Variants in RIC1 observed in about 807,000 individuals in gnomAD.
The protein encoded by RIC1 is guanine nucleotide exchange factor subunit RIC1.
Under a neutral mutation model 169.0 loss-of-function variants are expected in RIC1, and 88 were observed. That is an observed-to-expected ratio of 0.52 (90% CI 0.44 to 0.62). The LOEUF is 0.62. Ranked by LOEUF, RIC1 falls within the 20% of genes least tolerant of loss-of-function variation. The probability of loss-of-function intolerance (pLI) is 0.00; values close to 1 mark genes in which losing one functional copy is unlikely to be tolerated. For synonymous variants in RIC1, 790 were observed against 601.5 expected, an observed-to-expected ratio of 1.31 and a Z score of -4.59; for missense variants, 1,877 against 1,725.5, an observed-to-expected ratio of 1.09 and a Z score of -1.56.
Position 5,754,860 on chromosome 9 carries a change from C to G in RIC1, c.1622C>G (p.Thr541Arg). Residue 541 changes from threonine to arginine, a missense_variant, in exon 15 of 26, where the codon ACA becomes AGA. Transcript: ENST00000414202. ...NITQEQNMIV[T>R]GGLAWWNDFM... ...TTTAAGGAGCAAAATATGATCGTGA[C>G]AGGTGGCTTAGCCTGGTGGAATGAT... 1.3e-6 allele frequency: 2 copies of G among 1,569,000 alleles called. No homozygotes were observed. Among genetic ancestry groups the G allele is most frequent in the Non-Finnish European group, 1.7e-6 (2 of 1,150,876 alleles).
chr9:5,709,644 T>C, intron 3 of RIC1, among the ~76,000 whole-genome samples: 1 of 152,220 alleles, frequency 6.6e-6, no homozygotes, highest in Non-Finnish European at 1.5e-5. Flanking sequence ...CTTATTCTTC[T>C]AGCCTCATCT....
At chr9:5,706,794 A>G (rs1240793593) in intron 3 of RIC1, among the ~76,000 whole-genome samples, 2 of 152,166 alleles carry the variant, frequency 1.3e-5, no homozygotes, top group African/African-American at 2.4e-5. Flanking sequence ...CAGTAATAAT[A>G]TTCCCACTTT....
At chr9:5,736,555 C>T (rs535560847) in intron 7 of RIC1, among the ~76,000 whole-genome samples, 5 of 152,124 alleles carry the variant, frequency 3.3e-5, no homozygotes, top group African/African-American at 1.2e-4. Flanking sequence ...CTGGGAAAAC[C>T]AAGGCAGCTA....
At position 5,765,712 on chromosome 9, in the gene RIC1, T is replaced by C. The variant is rs1437434571; in HGVS notation, c.3051T>C (p.Ser1017=). Residue 1017 remains serine, a synonymous_variant, in exon 21 of 26, where the codon AGT becomes AGC. Coordinates refer to ENST00000414202, the MANE Select transcript of RIC1 (RefSeq NM_020829.4). ...GFEFFRNRSI[S]LSQSAENVPA... ...AGTTCTTCAGGAATCGAAGCATCAG[T>C]TTATCCCAGTCAGCTGAAAATGTTC... 1.2e-6 allele frequency: 2 copies of C among 1,614,182 alleles called. No homozygotes were observed. The highest frequency in any genetic ancestry group is 1.7e-6 in the Non-Finnish European group (2 of 1,180,020).
chr9:5,774,384 T>A lies in RIC1; in HGVS notation c.*138T>A. The A allele has an allele frequency of 3.1e-6, 2 of 640,570 alleles. No homozygotes were observed. The highest frequency in any genetic ancestry group is 2.9e-5 in the East Asian group (1 of 34,648). The allele number at this position is 640,570 out of a possible 1,614,324, so 39.7% of individuals were successfully genotyped here. On this transcript the variant is annotated 3_prime_UTR_variant, in exon 26 of 26. Transcript: ENST00000414202. ...TAAGTATTAGTAGATTTTAACTAAT[T>A]CTTTCTTGTCTAAGAAATCTTTTTG... is the stretch of plus-strand genomic sequence containing the variant.
chr9:5,671,220 C>A (rs1820071441), intron 2 of RIC1, among the ~76,000 whole-genome samples: 1 of 151,398 alleles, frequency 6.6e-6, no homozygotes, highest in East Asian at 1.9e-4. Context: ...TAAACTATTA[C>A]CAAATAATAC....
chr9:5,687,941 T>A (rs1354893147), intron 2 of RIC1, among the ~76,000 whole-genome samples: 1 of 152,156 alleles, frequency 6.6e-6, no homozygotes, highest in East Asian at 1.9e-4. Flanking sequence ...TGTGTTTCAT[T>A]ATGGATAATT....
chr9:5,763,469 C>G lies in RIC1; in HGVS notation c.2442C>G (p.Leu814=). 6.2e-7 allele frequency: 1 copy of G among 1,614,182 alleles called. No individual in the cohort carries two copies. Among genetic ancestry groups the G allele is most frequent in the Non-Finnish European group, 8.5e-7 (1 of 1,180,022 alleles). Residue 814 remains leucine (L), a synonymous_variant, in exon 19 of 26, where the codon CTC becomes CTG. Transcript: ENST00000414202. This position sits in a 1 kb window ranked among gnomAD's most constrained non-coding sequence, Gnocchi z 5.2. The part of the protein sequence containing the change: ...RNNAREQLEV[L]FPFCVVERTS... ...ATGCTAGAGAACAGCTGGAGGTGCT[C>G]TTCCCTTTCTGTGTTGTGGAGAGAA...
At chr9:5,735,647 C>T (rs967820904) in intron 7 of RIC1, among the ~76,000 whole-genome samples, 9 of 152,196 alleles carry the variant, frequency 5.9e-5, no homozygotes, top group African/African-American at 1.9e-4. Flanking sequence ...GATCTGCCAA[C>T]ACTTATCAGG....
chr9:5,634,565 G>T (rs1036573470), intron 1 of RIC1, among the ~76,000 whole-genome samples: 8 of 151,798 alleles, frequency 5.3e-5, no homozygotes, highest in South Asian at 2.1e-4. Context: ...TATCTGTTTT[G>T]TTTTTTTCTC....
intron 1 of RIC1, among the ~76,000 whole-genome samples, chr9:5,654,515 TG>T (rs1392984205): frequency 1.3e-5 from 2 of 152,094 alleles, no homozygotes; most frequent in African/African-American, 4.8e-5. Context: ...CCCAAAGTGT[TG>T]GGATTACAGG....
chr9:5,778,281 T>G (rs1827687877), downstream of RIC1, among the ~76,000 whole-genome samples: 1 of 152,160 alleles, frequency 6.6e-6, no homozygotes, highest in African/African-American at 2.4e-5. Flanking sequence ...ACATCAAACT[T>G]TTTCTTTTTT....
chr9:5,639,685 T>C (rs544974933), intron 1 of RIC1, among the ~76,000 whole-genome samples: 3 of 152,328 alleles, frequency 2.0e-5, no homozygotes, highest in African/African-American at 7.2e-5. Flanking sequence ...AAGTGAGGTG[T>C]TGAAGTCTCC....
intron 2 of RIC1, among the ~76,000 whole-genome samples, chr9:5,685,695 C>T (rs1220109560): frequency 6.6e-6 from 1 of 151,024 alleles, no homozygotes; most frequent in Non-Finnish European, 1.5e-5. Flanking sequence ...CTAGGCATTA[C>T]CATTCAGGAC....
At chr9:5,686,536 C>T (rs907556018) in intron 2 of RIC1, among the ~76,000 whole-genome samples, 1 of 148,660 alleles carries the variant, frequency 6.7e-6, no homozygotes, top group Non-Finnish European at 1.5e-5. Context: ...AACAAAAAAC[C>T]AAACACCGCA....
intron 2 of RIC1, among the ~76,000 whole-genome samples, chr9:5,657,413 C>A (rs532251774): frequency 6.6e-6 from 1 of 152,034 alleles, no homozygotes; most frequent in African/African-American, 2.4e-5. Flanking sequence ...ACCTCCTATC[C>A]GATGAGTACA....
rs1422837021 is a variant in RIC1, at chr9:5,743,722, T to C, written c.1080T>C (p.Leu360=). The part of the protein sequence containing the change: ...YRSDGTKKDP[L]KINSMSWGAE... ...CTGATGGCACCAAAAAAGATCCCCT[T>C]AAGATCAACTCTATGGTAAGTACTT... The change falls in exon 10 of 26, where the codon CTT becomes CTC. Residue 360 remains leucine, a synonymous_variant. Transcript: ENST00000414202. 1 of 1,609,900 alleles carries C rather than the reference T, an allele frequency of 6.2e-7. No homozygotes were observed. The highest frequency in any genetic ancestry group is 8.5e-7 in the Non-Finnish European group (1 of 1,176,954).
chr9:5,661,826 T>C (rs924286890), intron 2 of RIC1, among the ~76,000 whole-genome samples: 2 of 152,188 alleles, frequency 1.3e-5, no homozygotes, highest in Non-Finnish European at 2.9e-5. Flanking sequence ...CTTTATTTCT[T>C]TCTCTTGCCT....
chr9:5,741,281 G>GT lies in RIC1; in HGVS notation c.902-1586dup, dbSNP rs1189023691. Among the ~76,000 whole-genome samples, 3 of 152,300 alleles carry GT rather than the reference G, an allele frequency of 2.0e-5. No homozygotes were observed. The East Asian group carries it at 5.8e-4, about 29-fold the overall frequency. ...TTGTCTTTGTTTTTGGCTTTCTGCA[G>GT]TTCAACTGTGATGTGGAAGGGAAGA... On this transcript the variant is annotated intron_variant, in intron 8 of 25. Transcript: ENST00000414202.
Sources: allele counts gnomAD v4.1 joint callset (sites outside exome capture counted in the v4.1 genomes callset), GRCh38; gene constraint gnomAD v4.1.1; non-coding constraint Gnocchi (gnomAD v3.1); transcripts MANE v1.5; gene names NCBI Gene and HGNC (gene_info 2026-07-23, HGNC 2026-07-21).